STON1: variants seen among roughly 807,000 people sequenced by gnomAD.
STON1 encodes stonin 1, also known as stonin-1.
In STON1, 79 loss-of-function variants were observed where a neutral mutation model predicts 60.9. That is an observed-to-expected ratio of 1.30 (90% CI 1.08 to 1.56). The LOEUF (loss-of-function observed/expected upper bound fraction) is 1.56, where lower values mean the gene tolerates loss of function less well. Among genes scored for constraint, STON1 ranks in the 40% most tolerant of loss-of-function variants. STON1 has a pLI of 0.00. For missense variants in STON1, 1,166 were observed against 858.9 expected, an observed-to-expected ratio of 1.36 and a Z score of -4.47; for synonymous variants, 363 against 306.9, an observed-to-expected ratio of 1.18 and a Z score of -1.91.
chr2:48,552,843 G>GT (rs1481540965), intron 1 of STON1, among the ~76,000 whole-genome samples: 1 of 152,158 alleles, frequency 6.6e-6, no homozygotes, highest in Non-Finnish European at 1.5e-5. Context: ...TTTTATGTAT[G>GT]TTTTATCACA....
At chr2:48,587,230 C>T (rs530762115) in intron 2 of STON1, among the ~76,000 whole-genome samples, 37 of 152,326 alleles carry the variant, frequency 2.4e-4, no homozygotes, top group African/African-American at 6.0e-4. Context: ...ATCATTCCTC[C>T]CTGCTCTGCA....
intron 1 of STON1, among the ~76,000 whole-genome samples, chr2:48,533,028 A>T (rs761134630): frequency 6.6e-6 from 1 of 152,122 alleles, no homozygotes; most frequent in Non-Finnish European, 1.5e-5. Context: ...TGGAGGCCAG[A>T]GGATCACTTG....
In STON1 at chr2:48,582,233, G is replaced by T. The variant is rs142846683; in HGVS notation, c.1600G>T (p.Val534Leu). ...TCTTCCCTTTTCCTTGAAGTCTGTA[G>T]TGGTTGTCCAGGGAGCATACGTGGA... is the stretch of plus-strand genomic sequence containing the variant. Reference protein sequence around the residue: ...DNLPFSLKSVVVVQGAYVELQ... With the variant: ...DNLPFSLKSVLVVQGAYVELQ... Residue 534 changes from valine (V) to leucine (L), a missense_variant, in exon 2 of 4, where the codon GTG becomes TTG. Physicochemically the swap from Val to Leu is conservative, Grantham distance 32 (BLOSUM62 1). Coordinates refer to ENST00000404752, the MANE Select transcript of STON1 (RefSeq NM_006873.4). The T allele has an allele frequency of 1.9e-4, 306 of 1,614,214 alleles. No individual in the cohort carries two copies. In the South Asian group the frequency reaches 2.0e-3, roughly 11 times the overall value.
rs564785146 is a variant in STON1 at position 48,582,581 on chromosome 2, C to A, written c.1930+18C>A. ...AAATTCAAGTAAATATTCAACACCC[C>A]AAGTTTATTTTCATGGGAAATAGCT... On this transcript the variant is annotated intron_variant, in intron 2 of 3. Coordinates refer to ENST00000404752, the MANE Select transcript of STON1 (RefSeq NM_006873.4). The A allele has an allele frequency of 1.3e-6, 2 of 1,596,642 alleles. No individual in the cohort carries two copies. The highest frequency in any genetic ancestry group is 2.3e-5 in the South Asian group (2 of 88,018).
At chr2:48,548,526 T>C (rs973326412) in intron 1 of STON1, among the ~76,000 whole-genome samples, 2 of 151,714 alleles carry the variant, frequency 1.3e-5, no homozygotes, top group Non-Finnish European at 2.9e-5. Flanking sequence ...TTGAGACAGG[T>C]CTCCCTCTGT....
intron 1 of STON1, among the ~76,000 whole-genome samples, chr2:48,551,301 C>A (rs1292982876): frequency 6.6e-6 from 1 of 152,154 alleles, no homozygotes. Flanking sequence ...CATAGTGCAA[C>A]AAATCTGAGT....
intron 1 of STON1, among the ~76,000 whole-genome samples, chr2:48,553,537 G>C (rs1292899010): frequency 2.0e-5 from 3 of 151,984 alleles, no homozygotes; most frequent in Non-Finnish European, 4.4e-5. Flanking sequence ...TCCCAGGCCA[G>C]AGTGCAATGG....
Position 48,560,435 on chromosome 2 carries a change from T to C in STON1, c.-47-20152T>C, listed in dbSNP as rs543651205. On this transcript the variant is annotated intron_variant, in intron 1 of 3. Transcript: ENST00000404752. The stretch of plus-strand genomic sequence containing the variant: ...GGATAATGCCCTTTCTCATTTGTCT[T>C]TGAGTGCCCTGCTCTTTCCACTGAA... Among the ~76,000 whole-genome samples, 8 of 152,292 alleles carry C rather than the reference T, an allele frequency of 5.3e-5. No individual in the cohort carries two copies. The South Asian group carries it at 8.3e-4, about 16-fold the overall frequency.
At chr2:48,576,441 C>G (rs535160147) in intron 1 of STON1, among the ~76,000 whole-genome samples, 1 of 150,826 alleles carries the variant, frequency 6.6e-6, no homozygotes, top group Admixed American at 6.6e-5. Context: ...CCTCCCGCCT[C>G]GGCTTTCCAA....
At chr2:48,559,193 G>C (rs188278583) in intron 1 of STON1, among the ~76,000 whole-genome samples, 1 of 152,294 alleles carries the variant, frequency 6.6e-6, no homozygotes, top group Admixed American at 6.5e-5. Context: ...TTTTACAGAT[G>C]TTACTTTATT....
chr2:48,575,709 C>T (rs984620808), intron 1 of STON1, among the ~76,000 whole-genome samples: 7 of 149,554 alleles, frequency 4.7e-5, no homozygotes, highest in East Asian at 1.9e-4. Flanking sequence ...GATAAATACC[C>T]GTAAGTGGAT....
At chr2:48,578,611 T>C (rs1348858571) in intron 1 of STON1, among the ~76,000 whole-genome samples, 2 of 128,982 alleles carry the variant, frequency 1.6e-5, no homozygotes, top group African/African-American at 2.9e-5. Flanking sequence ...TTTTTTGATA[T>C]AGAGTTTCTC....
At chr2:48,580,482 A>C (rs1673808852) in intron 1 of STON1, 105 bp from the exon 2 acceptor site, 4 of 1,158,682 alleles carry the variant, frequency 3.5e-6, no homozygotes, top group Admixed American at 8.1e-5. Flanking sequence ...TTAGCCACCA[A>C]CAGAATTATA....
chr2:48,589,712 C>G (rs1040049473), intron 2 of STON1, among the ~76,000 whole-genome samples: 1 of 152,076 alleles, frequency 6.6e-6, no homozygotes, highest in Admixed American at 6.6e-5. Context: ...TAAAATTTCC[C>G]CAAATAATTT....
In STON1 at chr2:48,581,382, T is replaced by G. The variant is rs1673874656; in HGVS notation, c.749T>G (p.Met250Arg). ...CAAGACTCACTTAGAAGTTTGTCTA[T>G]GCACTGTCTATGTGCTGAAGAAAAT... is the stretch of plus-strand genomic sequence containing the variant. ...ENQDSLRSLSMHCLCAEENAS... is the reference protein window; with the variant it reads ...ENQDSLRSLSRHCLCAEENAS... Residue 250 changes from methionine (M) to arginine (R), a missense_variant, in exon 2 of 4, where the codon ATG (methionine) becomes AGG (arginine). Physicochemically the swap from Met to Arg is moderately conservative, Grantham distance 91. Transcript: ENST00000404752. The G allele has an allele frequency of 1.9e-6, 3 of 1,595,870 alleles. No individual in the cohort carries two copies. Among genetic ancestry groups the G allele is most frequent in the Non-Finnish European group, 8.5e-7 (1 of 1,170,670 alleles).
At chr2:48,542,905 A>C (rs2103760784) in intron 1 of STON1, among the ~76,000 whole-genome samples, 1 of 151,214 alleles carries the variant, frequency 6.6e-6, no homozygotes, top group East Asian at 1.9e-4. Flanking sequence ...CTCTGTCTCA[A>C]AAAAAAAAGA....
chr2:48,567,187 G>A (rs533832180), intron 1 of STON1, among the ~76,000 whole-genome samples: 15 of 152,278 alleles, frequency 9.9e-5, no homozygotes, highest in Non-Finnish European at 2.1e-4. Context: ...TCACATAGCT[G>A]AACTAAATAC....
Position 48,571,669 on chromosome 2 carries a change from C to G in STON1, c.-47-8918C>G, listed in dbSNP as rs556606940. Among the ~76,000 whole-genome samples, 33 of 152,244 alleles carry G rather than the reference C, an allele frequency of 2.2e-4. No homozygotes were observed. The South Asian group carries it at 6.6e-3, about 31-fold the overall frequency. The stretch of plus-strand genomic sequence containing the variant: ...GGAGACCCAATAGGCTTCTAACAGA[C>G]CAAGGCTCTGGACAGGGTGTGGCCC... On this transcript the variant is annotated intron_variant, in intron 1 of 3. Coordinates refer to ENST00000404752, the MANE Select transcript of STON1 (RefSeq NM_006873.4).
At chr2:48,540,146 A>G (rs1326735824) in intron 1 of STON1, among the ~76,000 whole-genome samples, 1 of 151,930 alleles carries the variant, frequency 6.6e-6, no homozygotes, top group African/African-American at 2.4e-5. Flanking sequence ...GGAGATTTCT[A>G]CTTTATCTAG....
Sources: allele counts gnomAD v4.1 joint callset (sites outside exome capture counted in the v4.1 genomes callset), GRCh38; gene constraint gnomAD v4.1.1; transcripts MANE v1.5; gene names NCBI Gene and HGNC (gene_info 2026-07-23, HGNC 2026-07-21).